DIAPH2: variants seen among roughly 807,000 people sequenced by gnomAD.
The protein encoded by DIAPH2 is protein diaphanous homolog 2.
A neutral mutation model predicts 92.7 loss-of-function variants in DIAPH2; 35 were observed. That is an observed-to-expected ratio of 0.38 (90% confidence interval 0.29 to 0.50). The LOEUF (loss-of-function observed/expected upper bound fraction) is 0.50. Ranked by LOEUF, DIAPH2 falls within the 20% of genes least tolerant of loss-of-function variation. The pLI is 0.94. For synonymous variants in DIAPH2, 301 were observed against 280.4 expected (o/e 1.07, Z -0.73); for missense variants, 701 against 819.5 (o/e 0.86, Z 1.77).
At chrX:96,973,184 G>T (rs896864996) in intron 17 of DIAPH2, among the ~76,000 whole-genome samples, 1 of 111,667 alleles carries the variant, frequency 9.0e-6, no homozygotes, top group South Asian at 3.8e-4. Flanking sequence ...GCCATGGACA[G>T]AAAATATTTG....
chrX:96,897,008 A>C (rs1478414830), intron 5 of DIAPH2, among the ~76,000 whole-genome samples: 2 of 111,547 alleles, frequency 1.8e-5, no homozygotes, highest in African/African-American at 6.5e-5. Context: ...GTGGGGGATT[A>C]TTAAGGATTT....
At chrX:97,129,117 T>TTTTCTTTTCTTTTC (rs1569308099) in intron 21 of DIAPH2, among the ~76,000 whole-genome samples, 3 of 80,134 alleles carry the variant, frequency 3.7e-5, no homozygotes, top group African/African-American at 1.7e-4. Flanking sequence ...TTTTCTTTTC[T>TTTTCTTTTCTTTTC]TTTCTTTTCT....
chrX:97,163,894 C>T (rs780101413), intron 22 of DIAPH2, among the ~76,000 whole-genome samples: 5 of 112,333 alleles, frequency 4.5e-5, no homozygotes, highest in Non-Finnish European at 9.4e-5. Context: ...AAGTTTTATA[C>T]AGAACAATTT....
intron 23 of DIAPH2, among the ~76,000 whole-genome samples, chrX:97,298,443 C>T (rs2068664774): frequency 9.2e-6 from 1 of 108,572 alleles, no homozygotes; most frequent in Non-Finnish European, 1.9e-5. Flanking sequence ...AATGAGAGTT[C>T]CATGATAAGA....
chrX:97,435,313 T>C (rs1455167451), intron 26 of DIAPH2, among the ~76,000 whole-genome samples: 1 of 111,576 alleles, frequency 9.0e-6, no homozygotes, highest in African/African-American at 3.3e-5. Flanking sequence ...TGCATTATAC[T>C]GAGTTAGGTA....
chrX:96,782,137 TCA>T (rs1181916659), intron 4 of DIAPH2, among the ~76,000 whole-genome samples: 2 of 112,002 alleles, frequency 1.8e-5, no homozygotes, highest in Non-Finnish European at 3.8e-5. Context: ...TCTCACTATG[TCA>T]CTCAGGCTGG....
chrX:96,778,397 A>G (rs551864831), intron 4 of DIAPH2, among the ~76,000 whole-genome samples: 12 of 110,332 alleles, frequency 1.1e-4, no homozygotes, highest in African/African-American at 3.0e-4. Flanking sequence ...TTGCTTTATC[A>G]TTCTCTTTTA....
intron 4 of DIAPH2, among the ~76,000 whole-genome samples, chrX:96,767,455 A>G (rs912010283): frequency 9.0e-6 from 1 of 111,359 alleles, no homozygotes; most frequent in African/African-American, 3.3e-5. Context: ...AATAATACTA[A>G]ATTTGTGATA....
intron 18 of DIAPH2, among the ~76,000 whole-genome samples, chrX:97,073,642 G>A (rs1175951437): frequency 1.8e-5 from 2 of 111,686 alleles, no homozygotes; most frequent in Non-Finnish European, 3.8e-5. Flanking sequence ...AGAATTTTTG[G>A]TCTGTCACTA....
At chrX:97,448,270 A>G (rs1263186025) in intron 26 of DIAPH2, among the ~76,000 whole-genome samples, 2 of 112,315 alleles carry the variant, frequency 1.8e-5, no homozygotes. Flanking sequence ...AATTCAATAT[A>G]TATTCCAAAT....
intron 26 of DIAPH2, among the ~76,000 whole-genome samples, chrX:97,432,373 C>T (rs2070135852): frequency 9.0e-6 from 1 of 111,303 alleles, no homozygotes; most frequent in Admixed American, 9.6e-5. Context: ...CGGCCCACTG[C>T]AACCTCCACC....
intron 26 of DIAPH2, among the ~76,000 whole-genome samples, chrX:97,478,739 C>T (rs1361360317): frequency 2.7e-5 from 3 of 111,741 alleles, no homozygotes; most frequent in Non-Finnish European, 5.6e-5. Flanking sequence ...AGAAAATAAG[C>T]TCAGTTAATG....
intron 5 of DIAPH2, among the ~76,000 whole-genome samples, chrX:96,890,345 G>A (rs1343609322): frequency 9.0e-6 from 1 of 111,680 alleles, no homozygotes; most frequent in Non-Finnish European, 1.9e-5. Flanking sequence ...TAGTGTTTAG[G>A]TATTATTTTG....
At chrX:97,102,515 G>A (rs1319224778) in intron 20 of DIAPH2, among the ~76,000 whole-genome samples, 2 of 112,201 alleles carry the variant, frequency 1.8e-5, no homozygotes, top group Non-Finnish European at 3.8e-5. Context: ...GTTGCTATTA[G>A]TATGGATAGA....
chrX:97,583,113 G>A (rs2071451966), intron 26 of DIAPH2, among the ~76,000 whole-genome samples: 1 of 111,149 alleles, frequency 9.0e-6, no homozygotes, highest in African/African-American at 3.3e-5. Context: ...TTTGCCTTTG[G>A]TTTGAATATC....
At chrX:97,555,070 TAAA>T (rs5903086) in intron 26 of DIAPH2, among the ~76,000 whole-genome samples, 4 of 98,956 alleles carry the variant, frequency 4.0e-5, no homozygotes. Flanking sequence ...CTGAAGAGAT[TAAA>T]AAAAAAAAAA....
intron 22 of DIAPH2, among the ~76,000 whole-genome samples, chrX:97,178,224 A>G (rs2067508781): frequency 9.1e-6 from 1 of 110,303 alleles, no homozygotes; most frequent in Admixed American, 9.8e-5. Context: ...GGCTGATAGA[A>G]CAAGACCCTG....
At chrX:97,185,431 A>ATGTG in intron 22 of DIAPH2, among the ~76,000 whole-genome samples, 1 of 63,950 alleles carries the variant, frequency 1.6e-5, no homozygotes, top group South Asian at 6.7e-4. Context: ...ATGTATATAT[A>ATGTG]TATGTGTATA....
At chrX:97,407,569 A>G (rs1405462474) in intron 25 of DIAPH2, among the ~76,000 whole-genome samples, 1 of 112,325 alleles carries the variant, frequency 8.9e-6, no homozygotes, top group Non-Finnish European at 1.9e-5. Context: ...GTGATGATGA[A>G]CTGTATCTAA....
Sources: gnomAD v4.1 joint callset for allele counts (sites outside exome capture counted in the v4.1 genomes callset) on GRCh38, gnomAD v4.1.1 for gene constraint, MANE v1.5 for transcripts, NCBI Gene and HGNC (gene_info 2026-07-23, HGNC 2026-07-21) for gene names.